Variants in BRINP1 observed in about 807,000 individuals in gnomAD.
BRINP1 encodes the protein BMP/retinoic acid-inducible neural-specific protein 1.
Under a neutral mutation model 72.9 loss-of-function variants are expected in BRINP1, and 17 were observed. The observed-to-expected ratio is 0.23, with a 90% CI of 0.16 to 0.35. BRINP1 has a LOEUF of 0.35. Ranked by LOEUF, BRINP1 falls within the 10% of genes least tolerant of loss-of-function variation. BRINP1 has a pLI of 1.00. For synonymous variants in BRINP1, 418 were observed against 378.5 expected, an observed-to-expected ratio of 1.10 and a Z score of -1.21; for missense variants, 850 against 1,001.6, an observed-to-expected ratio of 0.85 and a Z score of 2.04.
At chr9:119,176,954 C>T (rs529644024) in intron 7 of BRINP1, among the ~76,000 whole-genome samples, 4 of 152,156 alleles carry the variant, frequency 2.6e-5, no homozygotes, top group South Asian at 2.1e-4. Flanking sequence ...CCGGACCTGG[C>T]GATAAAACCT....
intron 7 of BRINP1, among the ~76,000 whole-genome samples, chr9:119,205,286 T>A (rs1829841895): frequency 6.6e-6 from 1 of 152,102 alleles, no homozygotes; most frequent in South Asian, 2.1e-4. Context: ...GCACTCAAAA[T>A]TCCTCAAATT....
At chr9:119,351,174 A>C (rs1156389576) in intron 1 of BRINP1, among the ~76,000 whole-genome samples, 1 of 152,196 alleles carries the variant, frequency 6.6e-6, no homozygotes, top group Non-Finnish European at 1.5e-5. Flanking sequence ...TTATCCACTT[A>C]TTAATGCACT....
Position 119,355,665 on chromosome 9 carries a change from C to G in BRINP1, c.-51+13391G>C, listed in dbSNP as rs186904179. ...AATGGTGTGAACCTGGGAGGCGGAG[C>G]TTGCAGTGAGCTGAGATCGCACCAC... On this transcript the variant is annotated intron_variant, in intron 1 of 7. Transcript: ENST00000265922. Among the ~76,000 whole-genome samples, 577 of 149,822 alleles carry G rather than the reference C, an allele frequency of 3.9e-3. 5 individuals are homozygous for G. Among genetic ancestry groups the G allele is most frequent in the African/African-American group, 0.014 (552 of 40,558 alleles).
At chr9:119,308,123 G>C (rs1222516258) in intron 2 of BRINP1, among the ~76,000 whole-genome samples, 1 of 152,194 alleles carries the variant, frequency 6.6e-6, no homozygotes, top group Non-Finnish European at 1.5e-5. Flanking sequence ...CTGTTGTGAT[G>C]ATTATTGCTT....
At chr9:119,319,597 T>C (rs10115812) in intron 1 of BRINP1, among the ~76,000 whole-genome samples, 61,188 of 152,036 alleles carry the variant, frequency 0.4, 12,649 homozygotes, top group Non-Finnish European at 0.44. Context: ...GTCACATTAT[T>C]GGTATTTATT....
At chr9:119,177,827 G>A (rs1423452136) in intron 7 of BRINP1, among the ~76,000 whole-genome samples, 35 of 152,160 alleles carry the variant, frequency 2.3e-4, no homozygotes, top group Admixed American at 1.9e-3. Context: ...AGATACATTC[G>A]CGAGCTGCGT....
intron 1 of BRINP1, among the ~76,000 whole-genome samples, chr9:119,332,008 A>G (rs1831304334): frequency 6.6e-6 from 1 of 152,210 alleles, no homozygotes; most frequent in African/African-American, 2.4e-5. Context: ...AGCTGAGGCC[A>G]TTGCTGAACT....
intron 2 of BRINP1, among the ~76,000 whole-genome samples, chr9:119,259,307 T>C (rs1304527330): frequency 2.0e-5 from 3 of 152,220 alleles, no homozygotes; most frequent in African/African-American, 7.2e-5. Context: ...GTATTTACCT[T>C]GCAGCATTGC....
intron 5 of BRINP1, among the ~76,000 whole-genome samples, chr9:119,219,773 G>A (rs1010370754): frequency 6.6e-6 from 1 of 151,274 alleles, no homozygotes; most frequent in Non-Finnish European, 1.5e-5. Context: ...GGGAACACAG[G>A]GAAAGAACAA....
At chr9:119,366,503 C>CATGTGTGTGT (rs1418552790) in intron 1 of BRINP1, among the ~76,000 whole-genome samples, 3 of 136,226 alleles carry the variant, frequency 2.2e-5, no homozygotes, top group Admixed American at 1.4e-4. Flanking sequence ...CCCCCACCAC[C>CATGTGTGTGT]GTGTGTGTGT....
intron 1 of BRINP1, among the ~76,000 whole-genome samples, chr9:119,339,409 A>G (rs1831386038): frequency 6.6e-6 from 1 of 152,232 alleles, no homozygotes; most frequent in Non-Finnish European, 1.5e-5. Context: ...ATTATTTATT[A>G]TTAGTCTTCT....
At chr9:119,351,236 G>A (rs967175866) in intron 1 of BRINP1, among the ~76,000 whole-genome samples, 1 of 152,040 alleles carries the variant, frequency 6.6e-6, no homozygotes, top group Admixed American at 6.6e-5. Context: ...AAACTTCCAA[G>A]CTTACATTTT....
At chr9:119,295,901 A>T (rs561501313) in intron 2 of BRINP1, among the ~76,000 whole-genome samples, 1 of 152,378 alleles carries the variant, frequency 6.6e-6, no homozygotes, top group African/African-American at 2.4e-5. Flanking sequence ...AAATGAATTA[A>T]GAACTTAAAG....
rs535515836 is a variant in BRINP1 at position 119,255,867 on chromosome 9, A to G, written c.219-6717T>C. 5.6e-4 allele frequency among the ~76,000 whole-genome samples: 83 copies of G among 149,156 alleles called. 1 individual carries two copies. The highest frequency in any genetic ancestry group is 1.0e-3 in the Non-Finnish European group (70 of 67,486). Reference sequence around the variant, plus strand: ...CTACTCAGGAGACTGAGGCAGGAGAATCTCTTGAACCCGGGAGGCGGAGGC... The same window carrying G: ...CTACTCAGGAGACTGAGGCAGGAGAGTCTCTTGAACCCGGGAGGCGGAGGC... On this transcript the variant is annotated intron_variant, in intron 2 of 7. Transcript: ENST00000265922.
At chr9:119,268,285 T>TGATAGATAGATAGATAGATAGACAGAC in intron 2 of BRINP1, among the ~76,000 whole-genome samples, 1 of 148,622 alleles carries the variant, frequency 6.7e-6, no homozygotes, top group South Asian at 2.2e-4. Flanking sequence ...GATAGATAGA[T>TGATAGATAGATAGATAGATAGACAGAC]AGATAGATAG....
chr9:119,307,565 T>G (rs745907962), intron 2 of BRINP1, among the ~76,000 whole-genome samples: 1 of 152,144 alleles, frequency 6.6e-6, no homozygotes, highest in Non-Finnish European at 1.5e-5. Context: ...TTTAGACCAA[T>G]AACTCAAAGC....
At chr9:119,178,481 A>G (rs1829514327) in intron 7 of BRINP1, among the ~76,000 whole-genome samples, 1 of 152,222 alleles carries the variant, frequency 6.6e-6, no homozygotes, top group Non-Finnish European at 1.5e-5. Context: ...AAAAACCCTC[A>G]ATCAAATCAA....
chr9:119,179,962 G>A lies in BRINP1; in HGVS notation c.1146-11738C>T, dbSNP rs531539732. On this transcript the variant is annotated intron_variant, in intron 7 of 7. Coordinates refer to ENST00000265922, the MANE Select transcript of BRINP1 (RefSeq NM_014618.3). ...GCTCATCATTTCGAGGACAGTCTCC[G>A]TCACCCAGGGCTTCCCATCAGTGCT... Among the ~76,000 whole-genome samples, 16 of 152,278 alleles carry A rather than the reference G, an allele frequency of 1.1e-4. No homozygotes were observed. The East Asian group carries it at 1.4e-3, about 13-fold the overall frequency.
At chr9:119,304,790 T>C (rs1830977892) in intron 2 of BRINP1, among the ~76,000 whole-genome samples, 1 of 152,212 alleles carries the variant, frequency 6.6e-6, no homozygotes, top group Non-Finnish European at 1.5e-5. Flanking sequence ...ATGAAACCCT[T>C]CTCCGCTGCC....
Sources: allele counts gnomAD v4.1 joint callset (sites outside exome capture counted in the v4.1 genomes callset), GRCh38; gene constraint gnomAD v4.1.1; transcripts MANE v1.5; gene names NCBI Gene and HGNC (gene_info 2026-07-23, HGNC 2026-07-21).